Variants in P2RY14 observed in about 807,000 individuals in gnomAD.
P2RY14 encodes purinergic receptor P2Y14, also known as P2Y purinoceptor 14.
Under a neutral mutation model 0.9 loss-of-function variants are expected in P2RY14, and 2 were observed. The observed-to-expected ratio is 2.16, with a 90% CI of 0.88 to 6.79. The LOEUF (loss-of-function observed/expected upper bound fraction) is 6.79, where lower values mean the gene tolerates loss of function less well. Ranked by LOEUF, P2RY14 falls within the 30% of genes most tolerant of loss-of-function variation. The pLI is 0.05. For missense variants in P2RY14, 378 were observed against 400.1 expected, an observed-to-expected ratio of 0.94 and a Z score of 0.47; for synonymous variants, 158 against 147.2, an observed-to-expected ratio of 1.07 and a Z score of -0.53.
chr3:151,271,809 T>C (rs758614054), intron 1 of P2RY14, among the ~76,000 whole-genome samples: 5 of 152,198 alleles, frequency 3.3e-5, no homozygotes, highest in Non-Finnish European at 7.3e-5. Context: ...AGTGTAGTTC[T>C]AATACTGGTA....
At chr3:151,234,313 C>T (rs1559913760) in intron 1 of P2RY14, among the ~76,000 whole-genome samples, 1 of 152,162 alleles carries the variant, frequency 6.6e-6, no homozygotes, top group Non-Finnish European at 1.5e-5. Context: ...TAGGAGTAAT[C>T]CTGTTTTATA....
chr3:151,242,885 G>A (rs1734504533), intron 1 of P2RY14, among the ~76,000 whole-genome samples: 1 of 148,974 alleles, frequency 6.7e-6, no homozygotes, highest in African/African-American at 2.5e-5. Flanking sequence ...TTAGAAGAAT[G>A]TATAACTAGA....
intron 1 of P2RY14, among the ~76,000 whole-genome samples, chr3:151,245,737 C>T (rs1735295200): frequency 9.1e-6 from 1 of 110,484 alleles, no homozygotes; most frequent in African/African-American, 3.4e-5. Flanking sequence ...TCTCACCACT[C>T]CTATTCAACA....
At chr3:151,275,348 A>C (rs950389997) in intron 1 of P2RY14, among the ~76,000 whole-genome samples, 3 of 152,008 alleles carry the variant, frequency 2.0e-5, no homozygotes, top group Non-Finnish European at 4.4e-5. Flanking sequence ...AGAAGCCAGC[A>C]CCCGTCCCTG....
intron 1 of P2RY14, among the ~76,000 whole-genome samples, chr3:151,245,074 A>G (rs182076298): frequency 0.058 from 8,887 of 152,310 alleles, 356 homozygotes; most frequent in Non-Finnish European, 0.093. Context: ...ACCAGGAAGA[A>G]GTTGAATCTC....
Position 151,213,582 on chromosome 3 carries a change from A to G in P2RY14, c.735T>C (p.Cys245=). Residue 245 remains cysteine (C), a synonymous_variant, in exon 3 of 3, where the codon TGT becomes TGC. Coordinates refer to ENST00000309170, the MANE Select transcript of P2RY14 (RefSeq NM_014879.4). ...TTCTGGCAATATGGTAAGGTACAAAACAGACAAAAAACACAAACACGATGC... is the reference window on the plus strand; with the variant it reads ...TTCTGGCAATATGGTAAGGTACAAAGCAGACAAAAAACACAAACACGATGC... The part of the protein sequence containing the change: ...IFSIVFVFFV[C]FVPYHIARIP... 1 of 1,614,188 alleles carries G rather than the reference A, an allele frequency of 6.2e-7. No homozygotes were observed. Among genetic ancestry groups the G allele is most frequent in the Non-Finnish European group, 8.5e-7 (1 of 1,180,030 alleles).
At chr3:151,263,611 T>A (rs1010048110) in intron 1 of P2RY14, among the ~76,000 whole-genome samples, 1 of 152,182 alleles carries the variant, frequency 6.6e-6, no homozygotes, top group African/African-American at 2.4e-5. Context: ...CAAATGGGAG[T>A]TTTAAATTTT....
intron 1 of P2RY14, among the ~76,000 whole-genome samples, chr3:151,230,301 G>A (rs1731397211): frequency 6.6e-6 from 1 of 152,162 alleles, no homozygotes; most frequent in South Asian, 2.1e-4. Flanking sequence ...ATGCGTGTCT[G>A]TTTTAGAACA....
intron 1 of P2RY14, among the ~76,000 whole-genome samples, chr3:151,239,359 A>G (rs1733608790): frequency 1.3e-5 from 2 of 152,248 alleles, no homozygotes; most frequent in Admixed American, 1.3e-4. Context: ...GTCAAAGAAG[A>G]AAATCCAGAA....
rs1454025270 is a variant in P2RY14 at position 151,244,309 on chromosome 3, T to A, written c.-132-24667A>T. Among the ~76,000 whole-genome samples, 3 of 125,312 alleles carry A rather than the reference T, an allele frequency of 2.4e-5. 1 individual carries two copies. Among genetic ancestry groups the A allele is most frequent in the African/African-American group, 5.4e-5 (2 of 36,772 alleles). The allele number at this position is 125,312 out of a possible 152,430, so 82.2% of individuals were successfully genotyped here. A position where few individuals can be genotyped will look rare whatever the true frequency, so the allele number is the denominator to read the frequency against. ...AACTCTCCACCCCAAATCAACAGAATATACATTTTTTTCAGCACCACACCA... is the reference window on the plus strand; with the variant it reads ...AACTCTCCACCCCAAATCAACAGAAAATACATTTTTTTCAGCACCACACCA... On this transcript the variant is annotated intron_variant, in intron 1 of 2. Coordinates refer to ENST00000309170, the MANE Select transcript of P2RY14 (RefSeq NM_014879.4).
At chr3:151,262,920 T>C (rs1739166293) in intron 1 of P2RY14, among the ~76,000 whole-genome samples, 1 of 152,174 alleles carries the variant, frequency 6.6e-6, no homozygotes, top group African/African-American at 2.4e-5. Context: ...GCATTTTGCC[T>C]GAAGACACGT....
chr3:151,246,077 C>G (rs1735388665), intron 1 of P2RY14, among the ~76,000 whole-genome samples: 1 of 151,784 alleles, frequency 6.6e-6, no homozygotes, highest in South Asian at 2.1e-4. Context: ...TGTGAAGGAA[C>G]TCTTCAAGGA....
At chr3:151,265,686 A>C (rs1187616145) in intron 1 of P2RY14, among the ~76,000 whole-genome samples, 1 of 152,196 alleles carries the variant, frequency 6.6e-6, no homozygotes, top group African/African-American at 2.4e-5. Flanking sequence ...GGCTTCTGGC[A>C]GTCCTCATAG....
At chr3:151,260,657 C>T (rs918919844) in intron 1 of P2RY14, among the ~76,000 whole-genome samples, 1 of 152,152 alleles carries the variant, frequency 6.6e-6, no homozygotes, top group Non-Finnish European at 1.5e-5. Flanking sequence ...GGCCCTAAAG[C>T]TGGTTTTTAA....
At chr3:151,271,530 G>A (rs1474995756) in intron 1 of P2RY14, among the ~76,000 whole-genome samples, 5 of 152,148 alleles carry the variant, frequency 3.3e-5, no homozygotes, top group Admixed American at 3.3e-4. Flanking sequence ...GAAAGTGTAT[G>A]TCCATAGAAA....
At chr3:151,229,398 C>G (rs1308252157) in intron 1 of P2RY14, among the ~76,000 whole-genome samples, 1 of 151,108 alleles carries the variant, frequency 6.6e-6, no homozygotes, top group African/African-American at 2.4e-5. Context: ...ACCTCGCCTC[C>G]CGGGTTCAAG....
At chr3:151,235,981 G>C (rs1732686229) in intron 1 of P2RY14, among the ~76,000 whole-genome samples, 1 of 151,960 alleles carries the variant, frequency 6.6e-6, no homozygotes, top group Admixed American at 6.5e-5. Flanking sequence ...TGTGGTTTTT[G>C]TGATGACTTT....
intron 1 of P2RY14, among the ~76,000 whole-genome samples, chr3:151,237,129 T>G (rs1365708099): frequency 2.0e-5 from 3 of 150,114 alleles, no homozygotes. Flanking sequence ...GCAACCTCCG[T>G]TTCCCAGGTT....
At chr3:151,254,358 G>A (rs1353688820) in intron 1 of P2RY14, among the ~76,000 whole-genome samples, 1 of 152,122 alleles carries the variant, frequency 6.6e-6, no homozygotes, top group Non-Finnish European at 1.5e-5. Context: ...TATAGCAGAG[G>A]CTTAACATTT....
Sources: gnomAD v4.1 joint callset for allele counts (sites outside exome capture counted in the v4.1 genomes callset) on GRCh38, gnomAD v4.1.1 for gene constraint, MANE v1.5 for transcripts, NCBI Gene and HGNC (gene_info 2026-07-23, HGNC 2026-07-21) for gene names.